The following CNTNAP2 variants were observed in gnomAD, a reference collection of about 807,000 sequenced individuals.
CNTNAP2 encodes contactin-associated protein-like 2.
In CNTNAP2, 98 loss-of-function variants were observed where a neutral mutation model predicts 155.2. The ratio of observed to expected loss-of-function variants is 0.63; its 90% CI spans 0.54 to 0.75. The LOEUF (loss-of-function observed/expected upper bound fraction) is 0.75, where lower values mean the gene tolerates loss of function less well. Ranked by LOEUF, CNTNAP2 falls within the 30% of genes least tolerant of loss-of-function variation. CNTNAP2 has a pLI of 0.00. For missense variants in CNTNAP2, 1,727 were observed against 1,688.1 expected, an observed-to-expected ratio of 1.02 and a Z score of -0.40; for synonymous variants, 651 against 631.2, an observed-to-expected ratio of 1.03 and a Z score of -0.47.
intron 1 of CNTNAP2, among the ~76,000 whole-genome samples, chr7:146,668,428 C>CTGTGTGTGTGTGTG (rs573459590): frequency 2.6e-5 from 3 of 115,490 alleles, no homozygotes; most frequent in African/African-American, 8.9e-5. Context: ...TGTAATTTTC[C>CTGTGTGTGTGTGTG]TGTGTGTGTG....
chr7:147,647,050 G>A (rs564336870), intron 13 of CNTNAP2, among the ~76,000 whole-genome samples: 1 of 151,304 alleles, frequency 6.6e-6, no homozygotes, highest in South Asian at 2.1e-4. Flanking sequence ...GCATGATCTA[G>A]GCTCACTGCA....
At chr7:146,212,280 A>C (rs1481427277) in intron 1 of CNTNAP2, among the ~76,000 whole-genome samples, 2 of 152,124 alleles carry the variant, frequency 1.3e-5, no homozygotes, top group Non-Finnish European at 2.9e-5. Flanking sequence ...TCTGTGAACT[A>C]TTTGACTTAC....
At chr7:147,186,781 G>A (rs575914424) in intron 8 of CNTNAP2, among the ~76,000 whole-genome samples, 23 of 152,274 alleles carry the variant, frequency 1.5e-4, no homozygotes, top group African/African-American at 5.3e-4. Flanking sequence ...TGGGCCTTCT[G>A]GCATGGCAGA....
At chr7:146,576,916 T>C (rs1431107067) in intron 1 of CNTNAP2, among the ~76,000 whole-genome samples, 1 of 152,018 alleles carries the variant, frequency 6.6e-6, no homozygotes, top group African/African-American at 2.4e-5. Context: ...CTCCTAAGAG[T>C]GGTGAGGGCT....
At chr7:147,737,064 A>T (rs1404410105) in intron 13 of CNTNAP2, among the ~76,000 whole-genome samples, 1 of 152,176 alleles carries the variant, frequency 6.6e-6, no homozygotes, top group Non-Finnish European at 1.5e-5. Context: ...ATTGCTGGTG[A>T]GGAGCTGCAT....
At chr7:148,390,722 A>C (rs1799327249) in intron 22 of CNTNAP2, among the ~76,000 whole-genome samples, 1 of 152,192 alleles carries the variant, frequency 6.6e-6, no homozygotes, top group Non-Finnish European at 1.5e-5. Context: ...AAAAACAGAA[A>C]ATAGGTTCTA....
chr7:147,261,798 G>C (rs1016883921), intron 8 of CNTNAP2, among the ~76,000 whole-genome samples: 1 of 152,174 alleles, frequency 6.6e-6, no homozygotes, highest in Non-Finnish European at 1.5e-5. Flanking sequence ...GGAGATCTTT[G>C]TTACTTAGAA....
At chr7:147,799,431 G>A (rs1229728911) in intron 13 of CNTNAP2, among the ~76,000 whole-genome samples, 2 of 152,064 alleles carry the variant, frequency 1.3e-5, no homozygotes, top group African/African-American at 2.4e-5. Flanking sequence ...GGAAGAAGAC[G>A]TGGTCCCAGC....
At chr7:146,568,451 C>G (rs955302834) in intron 1 of CNTNAP2, among the ~76,000 whole-genome samples, 1 of 152,100 alleles carries the variant, frequency 6.6e-6, no homozygotes, top group Admixed American at 6.5e-5. Flanking sequence ...ATTTACTGAT[C>G]GTATAGGATT....
chr7:146,609,429 C>T (rs1799099519), intron 1 of CNTNAP2, among the ~76,000 whole-genome samples: 1 of 152,124 alleles, frequency 6.6e-6, no homozygotes, highest in African/African-American at 2.4e-5. Context: ...CATGTGTCAC[C>T]CCAATACTGC....
Position 147,544,549 on chromosome 7 carries a change from T to G in CNTNAP2, c.1778-17589T>G, listed in dbSNP as rs992335747. Among the ~76,000 whole-genome samples the G allele has an allele frequency of 5.3e-5, 8 of 151,854 alleles. No individual in the cohort carries two copies. In the South Asian group the frequency reaches 1.0e-3, roughly 20 times the overall value. On this transcript the variant is annotated intron_variant, in intron 11 of 23. Transcript: ENST00000361727. ...AATATCTATTCCAATAAAAAAAAAA[T>G]GCAAGTCCTCTTTCCAGGGCCACAG... is the stretch of plus-strand genomic sequence containing the variant.
intron 22 of CNTNAP2, among the ~76,000 whole-genome samples, chr7:148,407,260 T>C (rs1174948773): frequency 1.3e-5 from 2 of 152,210 alleles, no homozygotes; most frequent in African/African-American, 4.8e-5. Context: ...ATTCTTGGGC[T>C]GACATTTGGG....
intron 1 of CNTNAP2, among the ~76,000 whole-genome samples, chr7:146,754,476 C>T (rs1399702706): frequency 3.9e-5 from 6 of 152,000 alleles, no homozygotes; most frequent in Non-Finnish European, 8.8e-5. Context: ...AACCTGTACA[C>T]ACCCTGCTTC....
intron 1 of CNTNAP2, among the ~76,000 whole-genome samples, chr7:146,307,815 A>G (rs930040960): frequency 7.2e-5 from 11 of 152,190 alleles, no homozygotes; most frequent in African/African-American, 2.2e-4. Flanking sequence ...CTTACACCTT[A>G]TACAGAAATT....
At chr7:146,911,043 A>C (rs971518380) in intron 3 of CNTNAP2, among the ~76,000 whole-genome samples, 1 of 152,116 alleles carries the variant, frequency 6.6e-6, no homozygotes, top group African/African-American at 2.4e-5. Context: ...CAGCCAAAAA[A>C]CACATGAAAA....
chr7:147,289,931 T>C lies in CNTNAP2; in HGVS notation c.1349-10210T>C, dbSNP rs113052143. ...AAATTTAGTTGAATTTTAAAATGAA[T>C]AGCACCACTATTACTCCATTTGAAA... is the stretch of plus-strand genomic sequence containing the variant. On this transcript the variant is annotated intron_variant, in intron 8 of 23. Transcript: ENST00000361727. 8.0e-3 allele frequency among the ~76,000 whole-genome samples: 1,218 copies of C among 152,332 alleles called. 21 individuals carry two copies. Among genetic ancestry groups the C allele is most frequent in the African/African-American group, 0.028 (1,157 of 41,578 alleles).
chr7:146,893,500 A>AGAG (rs1795820468), intron 3 of CNTNAP2, among the ~76,000 whole-genome samples: 2 of 116,430 alleles, frequency 1.7e-5, no homozygotes, highest in Non-Finnish European at 3.6e-5. Flanking sequence ...GAGAGAGAGA[A>AGAG]ATATTTTGTT....
At chr7:147,945,763 T>A (rs1800808987) in intron 14 of CNTNAP2, among the ~76,000 whole-genome samples, 1 of 151,286 alleles carries the variant, frequency 6.6e-6, no homozygotes, top group Non-Finnish European at 1.5e-5. Context: ...TAAAATAAAA[T>A]AATTTTATTG....
rs1050927049 is a variant in CNTNAP2 at position 147,331,102 on chromosome 7, A to T, written c.1498+30812A>T. Reference sequence around the variant, plus strand: ...CCTAGGTATATTTGCCTTAGCTTTTAACCAGAATATCAGAGTGGTCCAAGC... The same window carrying T: ...CCTAGGTATATTTGCCTTAGCTTTTTACCAGAATATCAGAGTGGTCCAAGC... On this transcript the variant is annotated intron_variant, in intron 9 of 23. Transcript: ENST00000361727. Among the ~76,000 whole-genome samples the T allele has an allele frequency of 2.0e-5, 3 of 152,132 alleles. No individual in the cohort carries two copies. In the East Asian group the frequency reaches 5.8e-4, roughly 29 times the overall value.
Sources: allele counts gnomAD v4.1 joint callset (sites outside exome capture counted in the v4.1 genomes callset), GRCh38; gene constraint gnomAD v4.1.1; transcripts MANE v1.5; gene names NCBI Gene and HGNC (gene_info 2026-07-23, HGNC 2026-07-21).